Variants in NOTCH1 observed in about 807,000 individuals in gnomAD.
NOTCH1 encodes neurogenic locus notch homolog protein 1.
NOTCH1 carries 37 observed loss-of-function variants against 254.8 expected under a neutral mutation model. That is an observed-to-expected ratio of 0.15 (90% confidence interval 0.11 to 0.19). The LOEUF (loss-of-function observed/expected upper bound fraction) is 0.19, where lower values mean the gene tolerates loss of function less well. Among genes scored for constraint, NOTCH1 ranks in the 10% least tolerant of loss-of-function variants. NOTCH1 has a pLI of 1.00. For missense variants in NOTCH1, 2,972 were observed against 3,708.6 expected, an observed-to-expected ratio of 0.80 and a Z score of 5.16; for synonymous variants, 1,731 against 1,618.1, an observed-to-expected ratio of 1.07 and a Z score of -1.68.
chr9:136,543,851 C>A, intron 2 of NOTCH1, 173 bp downstream of exon 2: 1 of 717,058 alleles, frequency 1.4e-6, no homozygotes, highest in South Asian at 1.6e-5. Context: ...AGCATAATTG[C>A]TGGTGATTAA....
chr9:136,495,558 C>G lies in NOTCH1; in HGVS notation c.*513G>C. On this transcript the variant is annotated 3_prime_UTR_variant, in exon 34 of 34. Transcript: ENST00000651671. ...TGCCTCTGGATGCAGCTTCTCCTAA[C>G]AGGCAGGTGATGCTGGTGGAGCGGC... The G allele has an allele frequency of 2.5e-6, 1 of 400,060 alleles. No homozygotes were observed. Among genetic ancestry groups the G allele is most frequent in the Non-Finnish European group, 4.4e-6 (1 of 226,970 alleles). 24.8% of individuals were successfully genotyped at this position (400,060 alleles called of 1,614,324 possible).
intron 31 of NOTCH1, 85 bp from the exon 32 acceptor site, chr9:136,499,344 C>A (rs1842962647): frequency 6.5e-6 from 10 of 1,542,608 alleles, no homozygotes; most frequent in Non-Finnish European, 8.8e-6. Flanking sequence ...GGACGGGAAG[C>A]CCCACTGTCT....
chr9:136,510,603 C>G (rs1776255615), intron 17 of NOTCH1, 50 bp downstream of exon 17: 4 of 1,578,542 alleles, frequency 2.5e-6, no homozygotes, highest in Non-Finnish European at 3.4e-6. Context: ...CCCGGGGGAA[C>G]TGAGGCCTGA....
chr9:136,496,516 A>G lies in NOTCH1; in HGVS notation c.7223T>C (p.Leu2408Pro), dbSNP rs767728582. The change falls in exon 34 of 34, where the codon CTG becomes CCG. Residue 2408 changes from leucine (L) to proline (P), a missense_variant. Physicochemically the swap from Leu to Pro is moderately conservative, Grantham distance 98. Transcript: ENST00000651671. ...CTGTGGTGGTGGTGGTGGCGGCTGC[A>G]GGCTTTGCTGCTGCTGGATGTTTGC... ...QPANIQQQQS[L>P]QPPPPPPQPH... 5.4e-5 allele frequency: 87 copies of G among 1,604,310 alleles called. No individual in the cohort carries two copies. In the Admixed American group the frequency reaches 1.1e-3, roughly 20 times the overall value.
In NOTCH1 at chr9:136,519,522, T is replaced by A; in HGVS notation, c.786A>T (p.Pro262=). ...CACCCCCGTTCTTGCAGTTGTTTCC[T>A]GGACAATCGTCGATATTTTCCTCAC... ...QNCEENIDDC[P]GNNCKNGGAC... The change falls in exon 5 of 34, where the codon CCA becomes CCT. Residue 262 remains proline (P), a synonymous_variant. Coordinates refer to ENST00000651671, the MANE Select transcript of NOTCH1 (RefSeq NM_017617.5). The A allele has an allele frequency of 3.1e-6, 5 of 1,613,032 alleles. No homozygotes were observed. Among genetic ancestry groups the A allele is most frequent in the Non-Finnish European group, 4.2e-6 (5 of 1,179,956 alleles).
chr9:136,524,111 GC>G, intron 2 of NOTCH1, 132 bp from the exon 3 acceptor site: 2 of 1,209,934 alleles, frequency 1.7e-6, no homozygotes, highest in Non-Finnish European at 2.3e-6. Flanking sequence ...CGGCTGCTTA[GC>G]GGGGTTCCCT....
At position 136,496,133 on chromosome 9, in the gene NOTCH1, C is replaced by T. The variant is rs111627256; in HGVS notation, c.7606G>A (p.Val2536Ile). 442 of 1,609,464 alleles carry T rather than the reference C, an allele frequency of 2.7e-4. 2 individuals carry two copies. Among genetic ancestry groups the T allele is most frequent in the African/African-American group, 1.2e-3 (91 of 75,010 alleles). ...TGCATGCTGGTGGGAGGGCTGGAGA[C>T]GCCCTCGGACCAGTCGGAGACGTTG... ...HSNVSDWSEG[V>I]SSPPTSMQSQ... Residue 2536 changes from valine to isoleucine, a missense_variant, in exon 34 of 34, where the codon GTC (valine) becomes ATC (isoleucine). Around this residue, in one of 8 missense-constraint regions of NOTCH1, gnomAD observed 85 missense variants for 126.1 expected, o/e 0.67. Transcript: ENST00000651671.
In NOTCH1 at chr9:136,523,023, C is replaced by T. The variant is rs761616770; in HGVS notation, c.569G>A (p.Arg190His). 1.4e-5 allele frequency: 21 copies of T among 1,550,860 alleles called. No individual in the cohort carries two copies. Among genetic ancestry groups the T allele is most frequent in the African/African-American group, 4.1e-5 (3 of 73,098 alleles). The change falls in exon 4 of 34, where the codon CGC becomes CAC. Residue 190 changes from arginine (R) to histidine (H), a missense_variant. Physicochemically the swap from Arg to His is conservative, Grantham distance 29. Coordinates refer to ENST00000651671, the MANE Select transcript of NOTCH1 (RefSeq NM_017617.5). ...CTCGTTGTGGCAGGTGCCTCCGTGG[C>T]GGCAAAGCCCGGGCTTCTGGCCACA... ...NECGQKPGLC[R>H]HGGTCHNEVG...
intron 5 of NOTCH1, 40 bp from the exon 6 acceptor site, chr9:136,518,864 C>A (rs756194945): frequency 6.4e-7 from 1 of 1,552,094 alleles, no homozygotes; most frequent in Non-Finnish European, 8.9e-7. Context: ...GCAGCTGCCA[C>A]TCCCTGAGCT....
chr9:136,502,360 G>T lies in NOTCH1; in HGVS notation c.5296C>A (p.Gln1766Lys), dbSNP rs1843011278. The change falls in exon 28 of 34, where the codon CAG (glutamine) becomes AAG (lysine). Residue 1766 changes from glutamine to lysine, a missense_variant. Physicochemically the swap from Gln to Lys is moderately conservative, Grantham distance 53 (BLOSUM62 1). Around this residue, in one of 8 missense-constraint regions of NOTCH1, gnomAD observed 421 missense variants for 604.4 expected, o/e 0.70. Transcript: ENST00000651671. ...LSRKRRRQHG[Q>K]LWFPEGFKVS... ...TTGAAGCCCTCAGGGAACCAGAGCT[G>T]GCCATGCTGCCGCCGGCGCTTGCGG... The T allele has an allele frequency of 6.2e-7, 1 of 1,612,456 alleles. No homozygotes were observed. Among genetic ancestry groups the T allele is most frequent in the Non-Finnish European group, 8.5e-7 (1 of 1,179,800 alleles).
At chr9:136,528,417 CGG>C (rs543235486) in intron 2 of NOTCH1, among the ~76,000 whole-genome samples, 4 of 2,912 alleles carry the variant, frequency 1.4e-3, no homozygotes, top group Admixed American at 3.6e-3. Context: ...AGGGACAGTG[CGG>C]GGGGGATGGG....
chr9:136,515,226 G>T, intron 12 of NOTCH1, 64 bp downstream of exon 12: 1 of 1,488,618 alleles, frequency 6.7e-7, no homozygotes, highest in Non-Finnish European at 9.3e-7. Context: ...CAGCCCCAGG[G>T]CAGAGTGGCT....
At chr9:136,533,782 C>A (rs183650434) in intron 2 of NOTCH1, among the ~76,000 whole-genome samples, 10 of 152,390 alleles carry the variant, frequency 6.6e-5, no homozygotes, top group African/African-American at 2.4e-4. Flanking sequence ...AAAGCTCCAG[C>A]CTCCTACTAG....
chr9:136,495,009 C>T lies in NOTCH1; in HGVS notation c.*1062G>A, dbSNP rs1842894731. 2.5e-6 allele frequency: 1 copy of T among 398,848 alleles called. No homozygotes were observed. Among genetic ancestry groups the T allele is most frequent in the Non-Finnish European group, 4.4e-6 (1 of 226,066 alleles). 24.7% of individuals were successfully genotyped at this position (398,848 alleles called of 1,614,324 possible). On this transcript the variant is annotated 3_prime_UTR_variant, in exon 34 of 34. Transcript: ENST00000651671. The stretch of plus-strand genomic sequence containing the variant: ...GTTGCACAGCTCAATGTGCCCGGCT[C>T]TGGCAAGTCTCCTACAAAACACGGG...
At chr9:136,498,589 C>T (rs1589054159) in intron 33 of NOTCH1, among the ~76,000 whole-genome samples, 1 of 152,294 alleles carries the variant, frequency 6.6e-6, no homozygotes, top group East Asian at 1.9e-4. Context: ...GCAGCAGCAG[C>T]GTTCCCCACG....
At position 136,495,985 on chromosome 9, in the gene NOTCH1, C is replaced by G; in HGVS notation, c.*86G>C. The G allele has an allele frequency of 7.1e-7, 1 of 1,410,610 alleles. No homozygotes were observed. The highest frequency in any genetic ancestry group is 9.6e-7 in the Non-Finnish European group (1 of 1,040,880). The allele number at this position is 1,410,610 out of a possible 1,614,324, so 87.4% of individuals were successfully genotyped here. On this transcript the variant is annotated 3_prime_UTR_variant, in exon 34 of 34. Transcript: ENST00000651671. ...TAAAAACATGTGTTTTAAAAAGGCT[C>G]CTCTGGTCGGCCCTGGCATCCACAG...
Position 136,514,701 on chromosome 9 carries a change from C to T in NOTCH1, c.2016G>A (p.Gly672=), listed in dbSNP as rs1194071285. ...YECACEPGYT[G]SMCNINIDEC... ...CATCGATGTTGATGTTACACATGCT[C>T]CCTAAGGGCAGGGCGGGTCAGACTC... The change falls in exon 13 of 34, where the codon GGG becomes GGA. Residue 672 remains glycine (G), a splice_region_variant and synonymous_variant. Coordinates refer to ENST00000651671, the MANE Select transcript of NOTCH1 (RefSeq NM_017617.5). The T allele has an allele frequency of 3.7e-6, 6 of 1,611,966 alleles. No individual in the cohort carries two copies. The South Asian group carries it at 6.6e-5, about 18-fold the overall frequency.
intron 2 of NOTCH1, chr9:136,543,360 T>A: frequency 4.4e-6 from 1 of 224,832 alleles, no homozygotes; most frequent in Admixed American, 5.8e-5. Context: ...AGAGGAGGCA[T>A]CACCCACCCA....
chr9:136,517,683 T>C (rs2133367943), intron 8 of NOTCH1, 69 bp downstream of exon 8: 1 of 1,582,602 alleles, frequency 6.3e-7, no homozygotes, highest in Non-Finnish European at 8.7e-7. Context: ...CCACAGATGT[T>C]CCCGGGGCTG....
Sources: allele counts gnomAD v4.1 joint callset (sites outside exome capture counted in the v4.1 genomes callset), GRCh38; gene constraint gnomAD v4.1.1; regional missense constraint gnomAD v4.1.1; transcripts MANE v1.5; gene names NCBI Gene and HGNC (gene_info 2026-07-23, HGNC 2026-07-21).